The following CCDC88C variants were observed in gnomAD, a reference collection of about 807,000 sequenced individuals.
The protein encoded by CCDC88C is coiled-coil and HOOK domain protein 88C.
Under a neutral mutation model 198.8 loss-of-function variants are expected in CCDC88C, and 131 were observed. That is an observed-to-expected ratio of 0.66 (90% CI 0.57 to 0.76). The LOEUF (loss-of-function observed/expected upper bound fraction) is 0.76, where lower values mean the gene tolerates loss of function less well. Ranked by LOEUF, CCDC88C falls within the 30% of genes least tolerant of loss-of-function variation. The pLI, the probability that CCDC88C is intolerant of heterozygous loss-of-function variation, is 0.00. For missense variants in CCDC88C, 2,553 were observed against 2,631.6 expected (o/e 0.97, Z 0.65); for synonymous variants, 1,166 against 1,114.7 (o/e 1.05, Z -0.92).
rs753528597 is a variant in CCDC88C at position 91,273,565 on chromosome 14, G to A, written c.5147C>T (p.Pro1716Leu). Reference protein sequence around the residue: ...PPAIGGQPGPPAKKEGAKMPT... With the variant: ...PPAIGGQPGPLAKKEGAKMPT... ...CATCTTGGCCCCTTCTTTCTTGGCA[G>A]GTGGTCCTGGTTGGCCTCCGATGGC... The change falls in exon 30 of 30, where the codon CCT becomes CTT. Residue 1716 changes from proline to leucine, a missense_variant. Around this residue, in one of 2 missense-constraint regions of CCDC88C, gnomAD observed 1,293 missense variants for 1,219.6 expected, o/e 1.06. Coordinates refer to ENST00000389857, the MANE Select transcript of CCDC88C (RefSeq NM_001080414.4). This position sits in a 1 kb window ranked among gnomAD's most constrained non-coding sequence, Gnocchi z 5.6. 10 of 1,505,406 alleles carry A rather than the reference G, an allele frequency of 6.6e-6. No individual in the cohort carries two copies. In the East Asian group the frequency reaches 1.6e-4, roughly 25 times the overall value. The allele number at this position is 1,505,406 out of a possible 1,614,324, so 93.3% of individuals were successfully genotyped here. A position where few individuals can be genotyped will look rare whatever the true frequency, so the allele number is the denominator to read the frequency against.
In CCDC88C at chr14:91,273,724, C is replaced by T. The variant is rs954161998; in HGVS notation, c.5059-71G>A. 29 of 1,332,304 alleles carry T rather than the reference C, an allele frequency of 2.2e-5. No individual in the cohort carries two copies. The highest frequency in any genetic ancestry group is 2.8e-5 in the Admixed American group (1 of 35,536). The allele number at this position is 1,332,304 out of a possible 1,614,324, so 82.5% of individuals were successfully genotyped here. ...TGGGTCCTTGGAGCCGCCTCCTGCG[C>T]GGGACGCCCCCGAGCAGCCCACGTG... On this transcript the variant is annotated intron_variant, in intron 29 of 29. Transcript: ENST00000389857. The surrounding 1 kb of genome is among the most constrained non-coding windows in gnomAD (Gnocchi z 5.6).
At chr14:91,329,314 C>T (rs1381420352) in intron 10 of CCDC88C, among the ~76,000 whole-genome samples, 2 of 152,188 alleles carry the variant, frequency 1.3e-5, no homozygotes, top group African/African-American at 2.4e-5. Context: ...CACAAAGTTC[C>T]AGGTGGGAAC....
chr14:91,285,671 T>C (rs1890373285), intron 25 of CCDC88C: 10 of 1,288,144 alleles, frequency 7.8e-6, no homozygotes, highest in Non-Finnish European at 1.0e-5. Context: ...GGAAAGGGAT[T>C]AGAAATCTCC....
chr14:91,369,425 T>G (rs1179011156), intron 3 of CCDC88C, among the ~76,000 whole-genome samples: 1 of 152,174 alleles, frequency 6.6e-6, no homozygotes, highest in Non-Finnish European at 1.5e-5. Context: ...AGGCTGGTCT[T>G]GAACTCCTGA....
rs1481305558 is a variant in CCDC88C, at chr14:91,338,531, C to T, written c.849G>A (p.Glu283=). ...GCAGTTCCAGCACCAGCTGGTCCAC[C>T]TCATGTCTGGTGTCCACAAGCTGCT... ...KTEQLVDTRH[E]VDQLVLELQK... The change falls in exon 9 of 30, where the codon GAG becomes GAA. Residue 283 remains glutamate, a synonymous_variant. Transcript: ENST00000389857. This position sits in a 1 kb window ranked among gnomAD's most constrained non-coding sequence, Gnocchi z 4.8. The T allele has an allele frequency of 3.2e-6, 5 of 1,572,868 alleles. No individual in the cohort carries two copies. Among genetic ancestry groups the T allele is most frequent in the South Asian group, 1.2e-5 (1 of 85,160 alleles).
chr14:91,306,639 G>C (rs1414701953), intron 18 of CCDC88C, among the ~76,000 whole-genome samples: 1 of 152,244 alleles, frequency 6.6e-6, no homozygotes, highest in African/African-American at 2.4e-5. Flanking sequence ...GCCAGCCATG[G>C]GGTTTCCATC....
chr14:91,322,880 T>C (rs989897595), intron 12 of CCDC88C, among the ~76,000 whole-genome samples: 1 of 151,526 alleles, frequency 6.6e-6, no homozygotes, highest in Admixed American at 6.6e-5. Flanking sequence ...CACAATGGTT[T>C]ACTACTAAAA....
intron 20 of CCDC88C, among the ~76,000 whole-genome samples, chr14:91,302,060 A>G (rs1413492273): frequency 6.6e-6 from 1 of 152,204 alleles, no homozygotes; most frequent in East Asian, 1.9e-4. Context: ...GGATGGATAA[A>G]AGGGGTGAAG....
At chr14:91,396,171 G>A (rs566525715) in intron 3 of CCDC88C, among the ~76,000 whole-genome samples, 7 of 152,248 alleles carry the variant, frequency 4.6e-5, no homozygotes, top group Admixed American at 4.6e-4. Context: ...AAACTGTTAC[G>A]AGCCCTGGAG....
rs1440494472 is a variant in CCDC88C, at chr14:91,284,761, C to G, written c.4442-1244G>C. Among the ~76,000 whole-genome samples, 2 of 152,216 alleles carry G rather than the reference C, an allele frequency of 1.3e-5. No individual in the cohort carries two copies. On this transcript the variant is annotated intron_variant, in intron 25 of 29. Coordinates refer to ENST00000389857, the MANE Select transcript of CCDC88C (RefSeq NM_001080414.4). The surrounding 1 kb of genome is among the most constrained non-coding windows in gnomAD (Gnocchi z 4.1). Reference sequence around the variant, plus strand: ...TGATGATATGTGTGTTTTCCACTTACAGGACTGATACTAATCTTTCCTTTT... The same window carrying G: ...TGATGATATGTGTGTTTTCCACTTAGAGGACTGATACTAATCTTTCCTTTT...
At chr14:91,342,939 G>A (rs1427534050) in intron 5 of CCDC88C, among the ~76,000 whole-genome samples, 2 of 152,176 alleles carry the variant, frequency 1.3e-5, no homozygotes, top group East Asian at 3.8e-4. Flanking sequence ...ATATGTAAAG[G>A]TGGGCATGAG....
rs1055496229 is a variant in CCDC88C at position 91,285,759 on chromosome 14, G to C, written c.4442-2242C>G. On this transcript the variant is annotated intron_variant, in intron 25 of 29. Transcript: ENST00000389857. The stretch of plus-strand genomic sequence containing the variant: ...GACCAGAACCGCAGGCGTTTAGAGA[G>C]AGCTGGGTGGGTCGTTGGAGACTTG... 13 of 1,289,176 alleles carry C rather than the reference G, an allele frequency of 1.0e-5. No homozygotes were observed. The East Asian group carries it at 5.0e-4, about 50-fold the overall frequency. The allele number at this position is 1,289,176 out of a possible 1,614,324, so 79.9% of individuals were successfully genotyped here. A position where few individuals can be genotyped will look rare whatever the true frequency, so the allele number is the denominator to read the frequency against.
chr14:91,322,476 C>G (rs201745302), intron 12 of CCDC88C, among the ~76,000 whole-genome samples: 1 of 152,142 alleles, frequency 6.6e-6, no homozygotes, highest in East Asian at 1.9e-4. Context: ...CATAAACACA[C>G]ACACACTCCA....
intron 4 of CCDC88C, among the ~76,000 whole-genome samples, chr14:91,350,787 A>G (rs1431296402): frequency 1.3e-5 from 2 of 152,206 alleles, no homozygotes; most frequent in Non-Finnish European, 2.9e-5. Flanking sequence ...ACCATATTCC[A>G]TAGAGTAATT....
At chr14:91,309,787 G>C (rs1484136845) in intron 16 of CCDC88C, 72 bp downstream of exon 16, 20 of 1,504,968 alleles carry the variant, frequency 1.3e-5, no homozygotes, top group Non-Finnish European at 1.7e-5. Flanking sequence ...TCTCAGGGGA[G>C]GGTGAGGAGC....
At chr14:91,285,335 G>A (rs1014549344) in intron 25 of CCDC88C, 25 of 421,282 alleles carry the variant, frequency 5.9e-5, no homozygotes, top group Non-Finnish European at 9.2e-5. Context: ...CTTGACACAC[G>A]GGCAAAACAT....
intron 21 of CCDC88C, 70 bp from the exon 22 acceptor site, chr14:91,297,561 G>A: frequency 6.8e-7 from 1 of 1,477,318 alleles, no homozygotes; most frequent in Non-Finnish European, 9.2e-7. Context: ...CCAGAGACCT[G>A]GGCTATGTCC....
chr14:91,328,835 C>T (rs1010875487), intron 10 of CCDC88C, among the ~76,000 whole-genome samples: 1 of 152,228 alleles, frequency 6.6e-6, no homozygotes, highest in Admixed American at 6.5e-5. Context: ...CCCCAGCACT[C>T]CCCACGGAGC....
intron 20 of CCDC88C, among the ~76,000 whole-genome samples, chr14:91,303,413 G>C (rs1368061327): frequency 1.4e-5 from 2 of 142,928 alleles, no homozygotes; most frequent in Non-Finnish European, 3.0e-5. Context: ...TTTCCCACAG[G>C]TCCTACCCAC....
Sources: gnomAD v4.1 joint callset for allele counts (sites outside exome capture counted in the v4.1 genomes callset) on GRCh38, gnomAD v4.1.1 for gene constraint, gnomAD v4.1.1 regional missense constraint, Gnocchi (gnomAD v3.1) non-coding constraint, MANE v1.5 for transcripts, NCBI Gene and HGNC (gene_info 2026-07-23, HGNC 2026-07-21) for gene names.